Variants in ROCK1 observed in about 807,000 individuals in gnomAD.
ROCK1 encodes rho-associated protein kinase 1.
Under a neutral mutation model 196.8 loss-of-function variants are expected in ROCK1, and 36 were observed. The observed-to-expected ratio is 0.18, with a 90% confidence interval of 0.14 to 0.24. The LOEUF (loss-of-function observed/expected upper bound fraction) is 0.24. Ranked by LOEUF, ROCK1 falls within the 10% of genes least tolerant of loss-of-function variation. ROCK1 has a pLI of 1.00. For synonymous variants in ROCK1, 443 were observed against 515.9 expected (o/e 0.86, Z 1.91); for missense variants, 920 against 1,562.0 (o/e 0.59, Z 6.93).
intron 1 of ROCK1, among the ~76,000 whole-genome samples, chr18:21,091,077 G>A (rs1257438846): frequency 1.3e-5 from 2 of 150,394 alleles, no homozygotes; most frequent in Non-Finnish European, 3.0e-5. Flanking sequence ...AATATACACC[G>A]AGTATGCCTC....
At chr18:20,953,214 T>G (rs1254768503) in intron 32 of ROCK1, 1 of 170,804 alleles carries the variant, frequency 5.9e-6, no homozygotes, top group South Asian at 1.4e-4. Flanking sequence ...ACAATTTTGG[T>G]TTTTGTAGAA....
Position 21,002,302 on chromosome 18 carries a change from A to T in ROCK1, c.1885+4049T>A, listed in dbSNP as rs575119171. Among the ~76,000 whole-genome samples, 18 of 152,332 alleles carry T rather than the reference A, an allele frequency of 1.2e-4. 1 individual carries two copies. In the South Asian group the frequency reaches 2.9e-3, roughly 25 times the overall value. ...AATCTATGCATATCAAAAAGCAAGG[A>T]TGTGATCTAAAACTACTAGGGTAGT... On this transcript the variant is annotated intron_variant, in intron 16 of 32. Coordinates refer to ENST00000399799, the MANE Select transcript of ROCK1 (RefSeq NM_005406.3).
At chr18:21,078,851 A>C (rs1263433440) in intron 1 of ROCK1, among the ~76,000 whole-genome samples, 2 of 152,020 alleles carry the variant, frequency 1.3e-5, no homozygotes, top group Middle Eastern at 3.2e-3. Flanking sequence ...CCTTTTGTAA[A>C]AGACTGAAGT....
At chr18:21,057,840 A>T (rs1030177599) in intron 2 of ROCK1, among the ~76,000 whole-genome samples, 1 of 152,160 alleles carries the variant, frequency 6.6e-6, no homozygotes, top group African/African-American at 2.4e-5. Flanking sequence ...ATTAAATTAA[A>T]TTAAAAATAA....
intron 22 of ROCK1, among the ~76,000 whole-genome samples, chr18:20,972,428 TG>T (rs1297799896): frequency 2.6e-5 from 4 of 152,114 alleles, no homozygotes; most frequent in Non-Finnish European, 5.9e-5. Flanking sequence ...TACGTAAGTC[TG>T]GAATTCAAGG....
At chr18:21,039,360 T>G in intron 9 of ROCK1, 112 bp downstream of exon 9, 1 of 723,090 alleles carries the variant, frequency 1.4e-6, no homozygotes, top group Non-Finnish European at 2.3e-6. Context: ...ATAGTATTTG[T>G]GGCTTCTGAT....
In ROCK1 at chr18:20,973,761, TTA is replaced by T. The variant is rs576540572; in HGVS notation, c.2655-3250_2655-3249del. Among the ~76,000 whole-genome samples, 320 of 152,100 alleles carry T rather than the reference TTA, an allele frequency of 2.1e-3. 1 individual carries two copies. Among genetic ancestry groups the T allele is most frequent in the African/African-American group, 7.3e-3 (304 of 41,500 alleles). On this transcript the variant is annotated intron_variant, in intron 22 of 32. Transcript: ENST00000399799. ...CTTCAAAATAAATACAATGGACAATTTATGACTTTTTTGTGACCTTTCTCAAT... is the reference window on the plus strand; with the variant it reads ...CTTCAAAATAAATACAATGGACAATTTGACTTTTTTGTGACCTTTCTCAAT...
chr18:20,948,429 A>G lies in ROCK1; in HGVS notation c.*2955T>C, dbSNP rs1177207356. Reference sequence around the variant, plus strand: ...ACTGTGAAAGTTAACTATGAATTACAAACTCAAGTAACTATGAGTTTGTCA... The same window carrying G: ...ACTGTGAAAGTTAACTATGAATTACGAACTCAAGTAACTATGAGTTTGTCA... On this transcript the variant is annotated 3_prime_UTR_variant, in exon 33 of 33. Transcript: ENST00000399799. 1 of 151,576 alleles carries G rather than the reference A, an allele frequency of 6.6e-6. No homozygotes were observed. The highest frequency in any genetic ancestry group is 1.9e-4 in the East Asian group (1 of 5,184). The allele number at this position is 151,576 out of a possible 1,614,324, so 9.4% of individuals were successfully genotyped here. A position where few individuals can be genotyped will look rare whatever the true frequency, so the allele number is the denominator to read the frequency against.
intron 32 of ROCK1, 74 bp downstream of exon 32, chr18:20,953,500 CAATT>C (rs113240773): frequency 0.091 from 101,906 of 1,119,418 alleles, 5,064 homozygotes; most frequent in South Asian, 0.15. Flanking sequence ...GTGAAAAGCA[CAATT>C]AGATTTCTGA....
intron 9 of ROCK1, among the ~76,000 whole-genome samples, chr18:21,038,240 T>TG (rs2036074169): frequency 6.6e-6 from 1 of 152,146 alleles, no homozygotes; most frequent in Admixed American, 6.5e-5. Context: ...AAGATAATAA[T>TG]TATGTCACAT....
At chr18:21,097,303 A>G (rs899076918) in intron 1 of ROCK1, among the ~76,000 whole-genome samples, 8 of 152,242 alleles carry the variant, frequency 5.3e-5, no homozygotes, top group African/African-American at 1.9e-4. Context: ...TGCAGCAGTA[A>G]CAAAAAGTAA....
At chr18:21,067,678 T>C (rs892566136) in intron 2 of ROCK1, among the ~76,000 whole-genome samples, 3 of 152,198 alleles carry the variant, frequency 2.0e-5, no homozygotes, top group African/African-American at 7.2e-5. Flanking sequence ...TGAGCCACCA[T>C]GCCTGGCCTT....
At chr18:21,009,929 T>C (rs2035802579) in intron 13 of ROCK1, among the ~76,000 whole-genome samples, 1 of 152,170 alleles carries the variant, frequency 6.6e-6, no homozygotes, top group Non-Finnish European at 1.5e-5. Flanking sequence ...ACTGTATGAG[T>C]TGTGATAGTT....
At chr18:20,952,796 G>A (rs1014924368) in intron 32 of ROCK1, among the ~76,000 whole-genome samples, 1 of 151,368 alleles carries the variant, frequency 6.6e-6, no homozygotes, top group Non-Finnish European at 1.5e-5. Flanking sequence ...AAAAAAAAAA[G>A]GGGGTCATGA....
In ROCK1 at chr18:21,111,714, G is replaced by C. The variant is rs1319047204; in HGVS notation, c.-804C>G. 5 of 152,990 alleles carry C rather than the reference G, an allele frequency of 3.3e-5. No individual in the cohort carries two copies. Among genetic ancestry groups the C allele is most frequent in the African/African-American group, 1.2e-4 (5 of 41,378 alleles). The allele number at this position is 152,990 out of a possible 1,614,324, so 9.5% of individuals were successfully genotyped here. ...GCGGTCCCAGCCGGGGAAAGGGCGA[G>C]TCGCGGCGGCGAATGCCTGGGGGGT... On this transcript the variant is annotated 5_prime_UTR_variant, in exon 1 of 33. Coordinates refer to ENST00000399799, the MANE Select transcript of ROCK1 (RefSeq NM_005406.3). This position sits in a 1 kb window ranked among gnomAD's most constrained non-coding sequence, Gnocchi z 4.2.
Position 20,984,554 on chromosome 18 carries a change from A to C in ROCK1, c.2305-19T>G, listed in dbSNP as rs1262019821. The C allele has an allele frequency of 1.9e-6, 3 of 1,564,340 alleles. No homozygotes were observed. On this transcript the variant is annotated intron_variant, in intron 19 of 32. Transcript: ENST00000399799. ...TCTTAACCTATGAATGAGAAAAATA[A>C]TTGGGATCTTAAATCTCTTAAATAA...
At chr18:20,964,060 T>A (rs1353403875) in intron 27 of ROCK1, among the ~76,000 whole-genome samples, 2 of 152,114 alleles carry the variant, frequency 1.3e-5, no homozygotes, top group African/African-American at 4.8e-5. Context: ...TAAATTATAA[T>A]CTTTATACTG....
intron 1 of ROCK1, among the ~76,000 whole-genome samples, chr18:21,079,417 A>C (rs1433944825): frequency 6.6e-6 from 1 of 152,206 alleles, no homozygotes; most frequent in Non-Finnish European, 1.5e-5. Context: ...ACCTGAGTTA[A>C]ATTTCAGAAA....
At chr18:21,052,610 C>A (rs1406677154) in intron 2 of ROCK1, among the ~76,000 whole-genome samples, 1 of 152,120 alleles carries the variant, frequency 6.6e-6, no homozygotes, top group Non-Finnish European at 1.5e-5. Flanking sequence ...AGTGGGTAGG[C>A]AAGCATTACC....
Sources: gnomAD v4.1 joint callset for allele counts (sites outside exome capture counted in the v4.1 genomes callset) on GRCh38, gnomAD v4.1.1 for gene constraint, Gnocchi (gnomAD v3.1) non-coding constraint, MANE v1.5 for transcripts, NCBI Gene and HGNC (gene_info 2026-07-23, HGNC 2026-07-21) for gene names.